Variants in PARG observed in about 807,000 individuals in gnomAD.
The protein encoded by PARG is poly(ADP-ribose) glycohydrolase.
In PARG, 35 loss-of-function variants were observed where a neutral mutation model predicts 113.0. The observed-to-expected ratio is 0.31, with a 90% CI of 0.24 to 0.41. The LOEUF is 0.41. Among genes scored for constraint, PARG ranks in the 10% least tolerant of loss-of-function variants. The pLI, the probability that PARG is intolerant of heterozygous loss-of-function variation, is 1.00. For missense variants in PARG, 797 were observed against 1,169.4 expected (o/e 0.68, Z 4.64); for synonymous variants, 330 against 409.9 (o/e 0.81, Z 2.36).
At chr10:49,867,942 C>A (rs2664620) in intron 10 of PARG, among the ~76,000 whole-genome samples, 2 of 151,960 alleles carry the variant, frequency 1.3e-5, no homozygotes, top group African/African-American at 2.4e-5. Flanking sequence ...ACAAAAAAAA[C>A]CAATAGTAAT....
At chr10:49,827,414 C>T (rs1293415726) in intron 16 of PARG, among the ~76,000 whole-genome samples, 1 of 152,166 alleles carries the variant, frequency 6.6e-6, no homozygotes, top group Non-Finnish European at 1.5e-5. Context: ...GTTTACAGGT[C>T]AGGTAACATA....
rs1204740311 is a variant in PARG, at chr10:49,900,639, G to A, written c.1737+15278C>T. Among the ~76,000 whole-genome samples the A allele has an allele frequency of 9.2e-5, 14 of 152,220 alleles. No individual in the cohort carries two copies. In the South Asian group the frequency reaches 2.1e-3, roughly 23 times the overall value. On this transcript the variant is annotated intron_variant, in intron 7 of 17. Transcript: ENST00000616448. The stretch of plus-strand genomic sequence containing the variant: ...ATTCTTACTTTAGAAAAGACAAAAC[G>A]TAATAATACACCCTCATTATCCTAT...
intron 8 of PARG, among the ~76,000 whole-genome samples, chr10:49,880,222 T>G (rs1266666380): frequency 6.6e-6 from 1 of 152,246 alleles, no homozygotes; most frequent in Non-Finnish European, 1.5e-5. Flanking sequence ...TAAAAATTAT[T>G]GGCCAGAATA....
At chr10:49,876,950 A>C (rs1281480327) in intron 9 of PARG, among the ~76,000 whole-genome samples, 1 of 152,094 alleles carries the variant, frequency 6.6e-6, no homozygotes, top group Non-Finnish European at 1.5e-5. Flanking sequence ...TAAAAAAAAA[A>C]AACTATCCTG....
chr10:49,897,795 GTCAAGAGT>G (rs1244960409), intron 7 of PARG, among the ~76,000 whole-genome samples: 1 of 152,106 alleles, frequency 6.6e-6, no homozygotes, highest in Non-Finnish European at 1.5e-5. Context: ...ATCACTTGAG[GTCAAGAGT>G]TCAAGACCAG....
chr10:49,926,357 C>T lies in PARG; in HGVS notation c.1456-3688G>A, dbSNP rs541872683. Among the ~76,000 whole-genome samples, 193 of 151,982 alleles carry T rather than the reference C, an allele frequency of 1.3e-3. 1 individual carries two copies. The highest frequency in any genetic ancestry group is 4.5e-3 in the African/African-American group (186 of 41,358). On this transcript the variant is annotated intron_variant, in intron 4 of 17. Transcript: ENST00000616448. Reference sequence around the variant, plus strand: ...ATCTAGCCTTGAGAAGTAAATGAGCCACCAGATAAGCAAGGAGGTAATAAC... The same window carrying T: ...ATCTAGCCTTGAGAAGTAAATGAGCTACCAGATAAGCAAGGAGGTAATAAC...
At chr10:49,878,692 A>G (rs1847071889) in intron 9 of PARG, among the ~76,000 whole-genome samples, 1 of 151,934 alleles carries the variant, frequency 6.6e-6, no homozygotes, top group African/African-American at 2.4e-5. Flanking sequence ...GGCAAACAAA[A>G]GTGGGTTTTG....
chr10:49,866,812 T>C (rs1308171000), intron 10 of PARG, among the ~76,000 whole-genome samples: 3 of 152,146 alleles, frequency 2.0e-5, no homozygotes, highest in Non-Finnish European at 2.9e-5. Flanking sequence ...AATCACAATA[T>C]ATACTATATA....
intron 13 of PARG, among the ~76,000 whole-genome samples, chr10:49,844,001 C>T (rs1191479572): frequency 1.3e-5 from 2 of 151,778 alleles, no homozygotes; most frequent in Non-Finnish European, 2.9e-5. Flanking sequence ...AAAAATTAGC[C>T]AGGCTTGGTG....
intron 7 of PARG, among the ~76,000 whole-genome samples, chr10:49,888,679 T>C (rs1275995296): frequency 6.6e-6 from 1 of 152,214 alleles, no homozygotes; most frequent in Non-Finnish European, 1.5e-5. Context: ...GAAATGTAAT[T>C]ATAGTATGTC....
At chr10:49,836,306 A>AATTTTTTTTTT (rs1844922089) in intron 15 of PARG, among the ~76,000 whole-genome samples, 1 of 26,282 alleles carries the variant, frequency 3.8e-5, no homozygotes, top group Admixed American at 5.6e-4. Context: ...ATTTCTTACG[A>AATTTTTTTTTT]CTTTTTTTTT....
intron 7 of PARG, among the ~76,000 whole-genome samples, chr10:49,897,928 G>A (rs1848172090): frequency 6.6e-6 from 1 of 152,124 alleles, no homozygotes; most frequent in African/African-American, 2.4e-5. Flanking sequence ...GGAGGTGGAG[G>A]TTGCAGTGAG....
intron 8 of PARG, among the ~76,000 whole-genome samples, chr10:49,881,023 C>G (rs1362936399): frequency 6.6e-6 from 1 of 152,162 alleles, no homozygotes; most frequent in Non-Finnish European, 1.5e-5. Flanking sequence ...CTTTTTAGAT[C>G]TGATAAAAGC....
chr10:49,920,743 G>A (rs1837825361), intron 6 of PARG, among the ~76,000 whole-genome samples: 1 of 151,498 alleles, frequency 6.6e-6, no homozygotes, highest in Admixed American at 6.6e-5. Flanking sequence ...ACTTGAGATT[G>A]TTTCCATTTA....
In PARG at chr10:49,844,107, T is replaced by C. The variant is rs181442897; in HGVS notation, c.2354-475A>G. Among the ~76,000 whole-genome samples the C allele has an allele frequency of 3.4e-3, 515 of 150,790 alleles. 2 individuals are homozygous for C. Among genetic ancestry groups the C allele is most frequent in the Non-Finnish European group, 6.1e-3 (410 of 67,678 alleles). ...TTGCAGTGAGCCAAGAGTGTGCCAC[T>C]GCACTCCAGCATGGGAGACAGAGCG... On this transcript the variant is annotated intron_variant, in intron 13 of 17. Coordinates refer to ENST00000616448, the MANE Select transcript of PARG (RefSeq NM_003631.5).
chr10:49,903,619 C>T (rs552104872), intron 7 of PARG, among the ~76,000 whole-genome samples: 2 of 152,282 alleles, frequency 1.3e-5, no homozygotes, highest in East Asian at 3.9e-4. Flanking sequence ...ACAGGTACTA[C>T]TGTGAGCACA....
At chr10:49,891,432 T>C (rs1439153139) in intron 7 of PARG, among the ~76,000 whole-genome samples, 1 of 151,234 alleles carries the variant, frequency 6.6e-6, no homozygotes, top group Non-Finnish European at 1.5e-5. Context: ...TAGATACTAA[T>C]AAAATTGTGA....
At position 49,933,766 on chromosome 10, in the gene PARG, C is replaced by A. The variant is rs1337084730; in HGVS notation, c.682G>T (p.Ala228Ser). The change falls in exon 3 of 18, where the codon GCC becomes TCC. Residue 228 changes from alanine (A) to serine (S), a missense_variant. Ala to Ser is a moderately conservative substitution (Grantham distance 99, BLOSUM62 1). Coordinates refer to ENST00000616448, the MANE Select transcript of PARG (RefSeq NM_003631.5). ...NAKQTTEDEQ[A>S]REAKSHQKCS... ...TTCTGGTGGCTTTTGGCTTCTCTGG[C>A]CTGTTCATCTTCTGTAGTCTGCTTT... 1 of 1,613,416 alleles carries A rather than the reference C, an allele frequency of 6.2e-7. No individual in the cohort carries two copies. Among genetic ancestry groups the A allele is most frequent in the Non-Finnish European group, 8.5e-7 (1 of 1,179,506 alleles).
intron 7 of PARG, among the ~76,000 whole-genome samples, chr10:49,913,833 G>T (rs1293126238): frequency 6.6e-5 from 10 of 152,114 alleles, no homozygotes; most frequent in Non-Finnish European, 8.8e-5. Context: ...AACCCGCGAG[G>T]CAGAAATTGC....
Sources: gnomAD v4.1 joint callset for allele counts (sites outside exome capture counted in the v4.1 genomes callset) on GRCh38, gnomAD v4.1.1 for gene constraint, MANE v1.5 for transcripts, NCBI Gene and HGNC (gene_info 2026-07-23, HGNC 2026-07-21) for gene names.